The following CNTNAP2 variants were observed in gnomAD, a reference collection of about 807,000 sequenced individuals.
CNTNAP2 encodes contactin-associated protein-like 2.
CNTNAP2 carries 98 observed loss-of-function variants against 155.2 expected under a neutral mutation model. That is an observed-to-expected ratio of 0.63 (90% CI 0.54 to 0.75). The LOEUF (loss-of-function observed/expected upper bound fraction) is 0.75. Among genes scored for constraint, CNTNAP2 ranks in the 30% least tolerant of loss-of-function variants. The pLI is 0.00. For missense variants in CNTNAP2, 1,727 were observed against 1,688.1 expected (o/e 1.02, Z -0.40); for synonymous variants, 651 against 631.2 (o/e 1.03, Z -0.47).
At chr7:148,307,431 T>TTA (rs756097476) in intron 21 of CNTNAP2, among the ~76,000 whole-genome samples, 1 of 152,214 alleles carries the variant, frequency 6.6e-6, no homozygotes, top group Non-Finnish European at 1.5e-5. Context: ...CTCAGCACTC[T>TTA]CCACCTCAGT....
Position 148,235,685 on chromosome 7 carries a change from AT to A in CNTNAP2, c.3381+5925del, listed in dbSNP as rs398006723. Among the ~76,000 whole-genome samples, 610 of 121,946 alleles carry A rather than the reference AT, an allele frequency of 5.0e-3. 3 individuals carry two copies. Among genetic ancestry groups the A allele is most frequent in the African/African-American group, 0.018 (564 of 31,968 alleles). The allele number at this position is 121,946 out of a possible 152,430, so 80.0% of individuals were successfully genotyped here. A position where few individuals can be genotyped will look rare whatever the true frequency, so the allele number is the denominator to read the frequency against. On this transcript the variant is annotated intron_variant, in intron 20 of 23. Transcript: ENST00000361727. ...TGCTCCTTACAGCTGTGCAGCAATT[AT>A]TTTTTTTTTTTTTTTTTTGAGACGG...
chr7:146,173,556 C>T (rs1798425456), intron 1 of CNTNAP2, among the ~76,000 whole-genome samples: 1 of 152,042 alleles, frequency 6.6e-6, no homozygotes, highest in South Asian at 2.1e-4. Context: ...ATCTGTGATG[C>T]TATATGCCAT....
intron 10 of CNTNAP2, among the ~76,000 whole-genome samples, chr7:147,433,598 T>C (rs1797500415): frequency 6.6e-6 from 1 of 152,240 alleles, no homozygotes; most frequent in Non-Finnish European, 1.5e-5. Flanking sequence ...TATTGGAATG[T>C]AATGTTACCT....
intron 3 of CNTNAP2, among the ~76,000 whole-genome samples, chr7:146,980,317 C>T (rs1000712478): frequency 6.6e-6 from 1 of 152,138 alleles, no homozygotes; most frequent in Non-Finnish European, 1.5e-5. Context: ...CAGGTAAGGA[C>T]TGAGCTGTAT....
At chr7:146,842,628 G>A (rs1803750783) in intron 3 of CNTNAP2, among the ~76,000 whole-genome samples, 1 of 152,082 alleles carries the variant, frequency 6.6e-6, no homozygotes, top group South Asian at 2.1e-4. Flanking sequence ...AGGCAAAGGG[G>A]AGGCAGGCAT....
intron 8 of CNTNAP2, among the ~76,000 whole-genome samples, chr7:147,243,801 A>G (rs1803994501): frequency 6.6e-6 from 1 of 152,142 alleles, no homozygotes; most frequent in Non-Finnish European, 1.5e-5. Context: ...AAAGATCTTC[A>G]GGTCACAAAG....
chr7:147,482,181 T>C (rs1265599371), intron 10 of CNTNAP2, among the ~76,000 whole-genome samples: 1 of 152,052 alleles, frequency 6.6e-6, no homozygotes, highest in South Asian at 2.1e-4. Flanking sequence ...TGCTAAGCAA[T>C]GTAATAATGG....
At chr7:147,498,795 T>C (rs1279300985) in intron 11 of CNTNAP2, among the ~76,000 whole-genome samples, 1 of 152,204 alleles carries the variant, frequency 6.6e-6, no homozygotes, top group African/African-American at 2.4e-5. Flanking sequence ...GTAGTTTTTT[T>C]TCCCATTTGT....
At chr7:146,342,264 G>C (rs1372004304) in intron 1 of CNTNAP2, among the ~76,000 whole-genome samples, 1 of 152,114 alleles carries the variant, frequency 6.6e-6, no homozygotes, top group Admixed American at 6.6e-5. Flanking sequence ...GAAGGACCTG[G>C]TGAATCTAAT....
intron 1 of CNTNAP2, among the ~76,000 whole-genome samples, chr7:146,334,940 A>G (rs1213352434): frequency 1.3e-5 from 2 of 152,176 alleles, no homozygotes; most frequent in African/African-American, 4.8e-5. Context: ...ACAGTTTTCA[A>G]CCCTCATTGA....
At chr7:146,129,039 T>G (rs1372081054) in intron 1 of CNTNAP2, among the ~76,000 whole-genome samples, 1 of 152,308 alleles carries the variant, frequency 6.6e-6, no homozygotes, top group African/African-American at 2.4e-5. Context: ...CATTTTTAAA[T>G]TTTAATTTAT....
At chr7:146,674,460 T>C (rs1045934985) in intron 1 of CNTNAP2, among the ~76,000 whole-genome samples, 3 of 151,996 alleles carry the variant, frequency 2.0e-5, no homozygotes, top group South Asian at 2.1e-4. Flanking sequence ...TGATCCTAAT[T>C]TGATGGACTT....
chr7:146,760,409 C>CTTTTTTTTT lies in CNTNAP2; in HGVS notation c.98-13837_98-13829dup, dbSNP rs532820418. ...CACCTCTGTATCATCTCCAATTTAC[C>CTTTTTTTTT]TTTTTTTTTTTTTTTTTTTTTTTTT... is the stretch of plus-strand genomic sequence containing the variant. On this transcript the variant is annotated intron_variant, in intron 1 of 23. Coordinates refer to ENST00000361727, the MANE Select transcript of CNTNAP2 (RefSeq NM_014141.6). 1.7e-3 allele frequency among the ~76,000 whole-genome samples: 94 copies of CTTTTTTTTT among 56,294 alleles called. 12 individuals are homozygous for CTTTTTTTTT. Among genetic ancestry groups the CTTTTTTTTT allele is most frequent in the African/African-American group, 4.9e-3 (58 of 11,804 alleles). 36.9% of individuals were successfully genotyped at this position (56,294 alleles called of 152,430 possible).
chr7:147,784,041 T>A (rs1797696147), intron 13 of CNTNAP2, among the ~76,000 whole-genome samples: 1 of 151,958 alleles, frequency 6.6e-6, no homozygotes, highest in East Asian at 1.9e-4. Flanking sequence ...GCCCTTAGAG[T>A]TCCTTGATTT....
chr7:147,460,033 C>T lies in CNTNAP2; in HGVS notation c.1671-25902C>T, dbSNP rs149069158. ...GGGCGGAATAGCATTAGGAGAAATA[C>T]CTAATGTAGATGACAGGTTGATGGG... is the stretch of plus-strand genomic sequence containing the variant. On this transcript the variant is annotated intron_variant, in intron 10 of 23. Transcript: ENST00000361727. Among the ~76,000 whole-genome samples, 1,339 of 152,008 alleles carry T rather than the reference C, an allele frequency of 8.8e-3. 25 individuals are homozygous for T. The highest frequency in any genetic ancestry group is 0.03 in the African/African-American group (1,242 of 41,426).
intron 9 of CNTNAP2, among the ~76,000 whole-genome samples, chr7:147,393,038 C>T (rs73475238): frequency 0.032 from 4,904 of 152,040 alleles, 281 homozygotes; most frequent in African/African-American, 0.11. Flanking sequence ...GATGACTTGC[C>T]ACGAAGTAAG....
intron 15 of CNTNAP2, among the ~76,000 whole-genome samples, chr7:148,068,231 A>G (rs1050490434): frequency 9.9e-5 from 15 of 152,072 alleles, no homozygotes; most frequent in African/African-American, 3.6e-4. Flanking sequence ...TACAAAGTTC[A>G]GCTAGAAGTT....
At chr7:147,776,265 GTT>G (rs374384682) in intron 13 of CNTNAP2, among the ~76,000 whole-genome samples, 240 of 135,326 alleles carry the variant, frequency 1.8e-3, no homozygotes, top group African/African-American at 5.7e-3. Flanking sequence ...CAATGGCTGG[GTT>G]TTTTTTTTTT....
intron 21 of CNTNAP2, among the ~76,000 whole-genome samples, chr7:148,316,347 A>AC: frequency 1.8e-5 from 1 of 55,220 alleles, no homozygotes; most frequent in Admixed American, 1.8e-4. Context: ...ATAAAAATAT[A>AC]TTAAAAAAAA....
Sources: gnomAD v4.1 joint callset for allele counts (sites outside exome capture counted in the v4.1 genomes callset) on GRCh38, gnomAD v4.1.1 for gene constraint, MANE v1.5 for transcripts, NCBI Gene and HGNC (gene_info 2026-07-23, HGNC 2026-07-21) for gene names.